Variants in NHSL3 observed in about 807,000 individuals in gnomAD.
NHSL3 encodes the protein NHS-like protein 3.
the NHSL3 span, among the ~76,000 whole-genome samples, chr1:32,749,451 C>T: frequency 6.6e-6 from 1 of 152,170 alleles, no homozygotes; most frequent in African/African-American, 2.4e-5. Context: ...GGATCCTAGA[C>T]TCTCAGAGCT....
chr1:32,766,576 C>G, the NHSL3 span, among the ~76,000 whole-genome samples: 25 of 152,134 alleles, frequency 1.6e-4, no homozygotes, highest in Admixed American at 2.6e-4. Flanking sequence ...GGGATTCCTG[C>G]AGACTCCCTA....
At chr1:32,765,173 C>G in the NHSL3 span, among the ~76,000 whole-genome samples, 1 of 152,226 alleles carries the variant, frequency 6.6e-6, no homozygotes, top group Admixed American at 6.5e-5. Flanking sequence ...TGTGGTTCTG[C>G]TCTGGGCATC....
the NHSL3 span, chr1:32,770,992 C>G: frequency 6.2e-7 from 1 of 1,612,068 alleles, no homozygotes; most frequent in South Asian, 1.1e-5. This position sits in a 1 kb window ranked among gnomAD's most constrained non-coding sequence, Gnocchi z 8.3. Context: ...CCCTGCTTCC[C>G]CAGGCAAGGC....
the NHSL3 span, among the ~76,000 whole-genome samples, chr1:32,746,331 T>A: frequency 2.0e-5 from 3 of 150,892 alleles, no homozygotes; most frequent in African/African-American, 7.3e-5. Context: ...GACAAGTGTG[T>A]GGGTAGGAAG....
chr1:32,771,158 T>C, the NHSL3 span: 1 of 1,612,002 alleles, frequency 6.2e-7, no homozygotes, highest in Non-Finnish European at 8.5e-7. Context: ...AGGTTTGTCA[T>C]ACCTCCTCAC....
At chr1:32,759,297 G>T in the NHSL3 span, among the ~76,000 whole-genome samples, 1 of 152,178 alleles carries the variant, frequency 6.6e-6, no homozygotes, top group Non-Finnish European at 1.5e-5. Context: ...CAGACCTCCT[G>T]ATTCCCAGCT....
chr1:32,742,216 C>A, the NHSL3 span: 1 of 1,239,032 alleles, frequency 8.1e-7, no homozygotes, highest in Non-Finnish European at 1.0e-6. Flanking sequence ...CTGGGCTGAG[C>A]GCGGGGGGGC....
chr1:32,756,621 C>T, the NHSL3 span, among the ~76,000 whole-genome samples: 1 of 135,518 alleles, frequency 7.4e-6, no homozygotes, highest in African/African-American at 2.8e-5. Context: ...CGTGCCAGTG[C>T]ACTCCAGTCT....
At chr1:32,771,445 GCCT>G in the NHSL3 span, 5 of 1,581,580 alleles carry the variant, frequency 3.2e-6, no homozygotes, top group Admixed American at 3.6e-5. Flanking sequence ...GGCACCATCT[GCCT>G]CAGAGACTGC....
chr1:32,766,515 T>C, the NHSL3 span, among the ~76,000 whole-genome samples: 2 of 152,038 alleles, frequency 1.3e-5, no homozygotes, highest in South Asian at 4.1e-4. Context: ...TCTGGGGATC[T>C]CGGGCACTGG....
the NHSL3 span, chr1:32,770,213 C>T: frequency 1.9e-6 from 3 of 1,603,566 alleles, no homozygotes; most frequent in Non-Finnish European, 2.6e-6. The surrounding 1 kb of genome is among the most constrained non-coding windows in gnomAD (Gnocchi z 8.3). Context: ...ATGTCCATCT[C>T]CCCCCAGGCC....
At chr1:32,765,505 C>A in the NHSL3 span, 1 of 742,764 alleles carries the variant, frequency 1.3e-6, no homozygotes, top group Non-Finnish European at 2.1e-6. Context: ...AGCAGAGCAC[C>A]CACGGACTCC....
At chr1:32,766,804 G>A in the NHSL3 span, among the ~76,000 whole-genome samples, 1 of 152,156 alleles carries the variant, frequency 6.6e-6, no homozygotes, top group Non-Finnish European at 1.5e-5. Flanking sequence ...TGCTGACACA[G>A]CCCCCCATCC....
the NHSL3 span, among the ~76,000 whole-genome samples, chr1:32,754,951 C>G: frequency 9.2e-5 from 14 of 152,056 alleles, no homozygotes; most frequent in Non-Finnish European, 1.6e-4. Context: ...CCACGGTCCC[C>G]GAGGTCGCCG....
At chr1:32,766,537 C>A in the NHSL3 span, among the ~76,000 whole-genome samples, 1 of 152,156 alleles carries the variant, frequency 6.6e-6, no homozygotes, top group African/African-American at 2.4e-5. Flanking sequence ...CTGGTTGGAT[C>A]TGTTGGGGGC....
the NHSL3 span, chr1:32,773,811 C>T: frequency 6.5e-6 from 1 of 152,834 alleles, no homozygotes; most frequent in African/African-American, 2.4e-5. Context: ...GGGGGAGCTT[C>T]CTTGAGCAGT....
the NHSL3 span, among the ~76,000 whole-genome samples, chr1:32,764,178 G>A: frequency 6.6e-6 from 1 of 151,794 alleles, no homozygotes; most frequent in Non-Finnish European, 1.5e-5. Context: ...TTCTTAGAGG[G>A]GCTTTTCTTG....
chr1:32,769,806 G>A, the NHSL3 span: 1 of 1,612,134 alleles, frequency 6.2e-7, no homozygotes, highest in East Asian at 2.2e-5. Flanking sequence ...GGGTTAGGAG[G>A]GCAGTGGTGG....
At chr1:32,772,081 T>A in the NHSL3 span, 1 of 1,612,920 alleles carries the variant, frequency 6.2e-7, no homozygotes. Context: ...GTCCCCTGCC[T>A]CAACGGCCAG....
Sources: gnomAD v4.1 joint callset for allele counts (sites outside exome capture counted in the v4.1 genomes callset) on GRCh38, gnomAD v4.1.1 for gene constraint, Gnocchi (gnomAD v3.1) non-coding constraint, MANE v1.5 for transcripts, NCBI Gene and HGNC (gene_info 2026-07-23, HGNC 2026-07-21) for gene names.